The following SSBP2 variants were observed in gnomAD, a reference collection of about 807,000 sequenced individuals.
The protein encoded by SSBP2 is single-stranded DNA-binding protein 2.
SSBP2 carries 17 observed loss-of-function variants against 61.8 expected under a neutral mutation model. That is an observed-to-expected ratio of 0.28 (90% CI 0.19 to 0.41). The LOEUF is 0.41. SSBP2 is among the 10% of genes least tolerant of loss of function. SSBP2 has a pLI of 1.00. For synonymous variants in SSBP2, 139 were observed against 141.3 expected, an observed-to-expected ratio of 0.98 and a Z score of 0.12; for missense variants, 310 against 458.7, an observed-to-expected ratio of 0.68 and a Z score of 2.96.
chr5:81,749,416 G>A (rs1757567762), intron 1 of SSBP2, among the ~76,000 whole-genome samples: 1 of 152,044 alleles, frequency 6.6e-6, no homozygotes, highest in African/African-American at 2.4e-5. Flanking sequence ...CCATCCCTAG[G>A]GCACACAAAA....
intron 1 of SSBP2, chr5:81,750,767 G>A (rs1581480213): frequency 1.8e-6 from 1 of 564,516 alleles, no homozygotes. Flanking sequence ...CCCTCCCGCC[G>A]ACAGCCCCCT....
At chr5:81,579,658 T>C (rs1301507893) in intron 4 of SSBP2, among the ~76,000 whole-genome samples, 1 of 152,094 alleles carries the variant, frequency 6.6e-6, no homozygotes, top group Non-Finnish European at 1.5e-5. Context: ...TACTGAATAA[T>C]TTCAAACAGC....
chr5:81,477,165 G>A (rs1318423935), intron 6 of SSBP2, among the ~76,000 whole-genome samples: 1 of 152,146 alleles, frequency 6.6e-6, no homozygotes, highest in Non-Finnish European at 1.5e-5. Context: ...TTTTAGTGGA[G>A]GACAGCATTT....
Position 81,473,731 on chromosome 5 carries a change from G to A in SSBP2, c.539C>T (p.Pro180Leu), listed in dbSNP as rs185292217. 2.5e-6 allele frequency: 4 copies of A among 1,613,950 alleles called. No individual in the cohort carries two copies. The highest frequency in any genetic ancestry group is 2.2e-5 in the East Asian group (1 of 44,868). Residue 180 changes from proline to leucine, a missense_variant, in exon 8 of 17, where the codon CCT becomes CTT. Around this residue, in one of 4 missense-constraint regions of SSBP2, gnomAD observed 209 missense variants for 286.4 expected, o/e 0.73. Transcript: ENST00000320672. ...TCCTAAGGGCACCATTCCTCTTGGA[G>A]GAGTCATTCTCTGCATTGGCCCACC...
rs535992144 is a variant in SSBP2, at chr5:81,712,621, A to T, written c.62+38360T>A. On this transcript the variant is annotated intron_variant, in intron 1 of 16. Coordinates refer to ENST00000320672, the MANE Select transcript of SSBP2 (RefSeq NM_012446.5). ...AGACTCCGTCTCAAAAAAAAAAAAAAAAATAAAGATTACAGATTTCTGGCT... is the reference window on the plus strand; with the variant it reads ...AGACTCCGTCTCAAAAAAAAAAAAATAAATAAAGATTACAGATTTCTGGCT... Among the ~76,000 whole-genome samples the T allele has an allele frequency of 1.2e-3, 182 of 150,826 alleles. 76 individuals carry two copies. The highest frequency in any genetic ancestry group is 2.8e-3 in the African/African-American group (112 of 40,608).
intron 5 of SSBP2, among the ~76,000 whole-genome samples, chr5:81,498,039 T>C (rs74357563): frequency 0.011 from 1,715 of 152,190 alleles, 32 homozygotes; most frequent in Non-Finnish European, 0.014. Context: ...AACCTAACGT[T>C]TTAGGTTGAA....
intron 6 of SSBP2, among the ~76,000 whole-genome samples, chr5:81,486,559 A>C (rs1766397599): frequency 6.6e-6 from 1 of 152,180 alleles, no homozygotes; most frequent in African/African-American, 2.4e-5. Context: ...ATAATATACA[A>C]AGCTATGGAC....
At chr5:81,671,492 T>A (rs1751570685) in intron 1 of SSBP2, among the ~76,000 whole-genome samples, 1 of 152,104 alleles carries the variant, frequency 6.6e-6, no homozygotes. Flanking sequence ...AGGGGATGCA[T>A]CATTACTCCA....
chr5:81,584,746 A>G (rs1774933927), intron 4 of SSBP2, among the ~76,000 whole-genome samples: 3 of 152,204 alleles, frequency 2.0e-5, no homozygotes, highest in Admixed American at 2.0e-4. Context: ...AATAGATAAG[A>G]GCAAACTGAG....
At chr5:81,690,664 G>T (rs1309021545) in intron 1 of SSBP2, among the ~76,000 whole-genome samples, 1 of 152,098 alleles carries the variant, frequency 6.6e-6, no homozygotes, top group Non-Finnish European at 1.5e-5. Context: ...GCATTTGACA[G>T]ATCGTTCAGA....
At chr5:81,723,433 A>G (rs1377487622) in intron 1 of SSBP2, among the ~76,000 whole-genome samples, 2 of 151,960 alleles carry the variant, frequency 1.3e-5, no homozygotes, top group East Asian at 3.9e-4. Context: ...CATAAAGAAT[A>G]GTTTTATTCT....
intron 1 of SSBP2, among the ~76,000 whole-genome samples, chr5:81,652,900 C>A (rs760353028): frequency 2.0e-5 from 3 of 151,738 alleles, no homozygotes; most frequent in Non-Finnish European, 4.4e-5. Context: ...TCCCTCACCC[C>A]CCTCCCACCC....
At chr5:81,514,084 A>T (rs1340907258) in intron 4 of SSBP2, among the ~76,000 whole-genome samples, 1 of 152,220 alleles carries the variant, frequency 6.6e-6, no homozygotes, top group Non-Finnish European at 1.5e-5. Context: ...ATAAATAGGT[A>T]AAAAGTTTGA....
intron 1 of SSBP2, among the ~76,000 whole-genome samples, chr5:81,695,145 TATATAC>T (rs1753508238): frequency 6.6e-6 from 1 of 152,190 alleles, no homozygotes; most frequent in African/African-American, 2.4e-5. Flanking sequence ...CATTCTTGAG[TATATAC>T]ATATAAACCA....
chr5:81,429,821 T>A (rs3805726), intron 15 of SSBP2, among the ~76,000 whole-genome samples: 1 of 151,960 alleles, frequency 6.6e-6, no homozygotes, highest in African/African-American at 2.4e-5. Flanking sequence ...AAAGCAGAGA[T>A]AGATAGATGA....
intron 4 of SSBP2, among the ~76,000 whole-genome samples, chr5:81,537,178 T>C (rs1157257174): frequency 1.3e-5 from 2 of 152,162 alleles, no homozygotes; most frequent in South Asian, 2.1e-4. Flanking sequence ...TCTGACTTTA[T>C]TGCTTAATAA....
chr5:81,690,558 C>T (rs1298048197), intron 1 of SSBP2, among the ~76,000 whole-genome samples: 1 of 152,038 alleles, frequency 6.6e-6, no homozygotes, highest in Non-Finnish European at 1.5e-5. Flanking sequence ...ATGCATACAA[C>T]ACTGCAGCAC....
intron 2 of SSBP2, among the ~76,000 whole-genome samples, chr5:81,643,858 C>T (rs988856650): frequency 5.9e-5 from 9 of 152,052 alleles, no homozygotes; most frequent in Non-Finnish European, 1.3e-4. Context: ...CCGCGTCAGC[C>T]TCCCAAAGTG....
At chr5:81,500,945 G>A (rs1309012853) in intron 5 of SSBP2, among the ~76,000 whole-genome samples, 2 of 151,180 alleles carry the variant, frequency 1.3e-5, no homozygotes, top group South Asian at 4.2e-4. Context: ...CAGGCACGGT[G>A]GCTCATGCCT....
Sources: allele counts gnomAD v4.1 joint callset (sites outside exome capture counted in the v4.1 genomes callset), GRCh38; gene constraint gnomAD v4.1.1; regional missense constraint gnomAD v4.1.1; transcripts MANE v1.5; gene names NCBI Gene and HGNC (gene_info 2026-07-23, HGNC 2026-07-21).